The following ZNF236 variants were observed in gnomAD, a reference collection of about 807,000 sequenced individuals.
ZNF236 encodes the protein regulated by glucose.
Under a neutral mutation model 191.2 loss-of-function variants are expected in ZNF236, and 50 were observed. That is an observed-to-expected ratio of 0.26 (90% CI 0.21 to 0.33). ZNF236 has a LOEUF of 0.33. Ranked by LOEUF, ZNF236 falls within the 10% of genes least tolerant of loss-of-function variation. The pLI, the probability that ZNF236 is intolerant of heterozygous loss-of-function variation, is 1.00. For missense variants in ZNF236, 1,754 were observed against 2,374.5 expected, an observed-to-expected ratio of 0.74 and a Z score of 5.43; for synonymous variants, 907 against 928.8, an observed-to-expected ratio of 0.98 and a Z score of 0.43.
intron 14 of ZNF236, 60 bp from the exon 15 acceptor site, chr18:76,910,008 T>C: frequency 7.6e-7 from 1 of 1,312,144 alleles, no homozygotes; most frequent in South Asian, 1.2e-5. Context: ...TTGGACAGAT[T>C]TGCAGTTGTG....
At position 76,881,642 on chromosome 18, in the gene ZNF236, T is replaced by G. The variant is rs950684307; in HGVS notation, c.1417+130T>G. ...TTGAATGTTTTGTAGCTAGCTGTAG[T>G]TGGTTGGTATTTAAAATTAAAAAGA... On this transcript the variant is annotated intron_variant, in intron 9 of 30. Coordinates refer to ENST00000320610, the MANE Select transcript of ZNF236 (RefSeq NM_001306089.2). 29 of 788,448 alleles carry G rather than the reference T, an allele frequency of 3.7e-5. No homozygotes were observed. In the East Asian group the frequency reaches 7.8e-4, roughly 21 times the overall value. 48.8% of individuals were successfully genotyped at this position (788,448 alleles called of 1,614,324 possible). A position where few individuals can be genotyped will look rare whatever the true frequency, so the allele number is the denominator to read the frequency against.
chr18:76,953,873 C>A (rs532285759), intron 27 of ZNF236, among the ~76,000 whole-genome samples: 1 of 152,160 alleles, frequency 6.6e-6, no homozygotes, highest in South Asian at 2.1e-4. Flanking sequence ...ATGGAGAGGC[C>A]GCTTTCCTCC....
chr18:76,918,591 T>G (rs1407552762), intron 19 of ZNF236, among the ~76,000 whole-genome samples: 3 of 152,182 alleles, frequency 2.0e-5, no homozygotes, highest in Non-Finnish European at 4.4e-5. Flanking sequence ...CCTGGCTGAT[T>G]TAAAAAAATT....
chr18:76,834,867 T>A, intron 1 of ZNF236: 1 of 384,138 alleles, frequency 2.6e-6, no homozygotes, highest in South Asian at 2.2e-5. Context: ...TGGTCAGAAG[T>A]CACAAAGGGA....
At position 76,927,528 on chromosome 18, in the gene ZNF236, C is replaced by G. The variant is rs778971121; in HGVS notation, c.4414+11C>G. 6.3e-7 allele frequency: 1 copy of G among 1,599,666 alleles called. No individual in the cohort carries two copies. Among genetic ancestry groups the G allele is most frequent in the African/African-American group, 1.3e-5 (1 of 74,590 alleles). On this transcript the variant is annotated intron_variant, in intron 24 of 30. Transcript: ENST00000320610. The surrounding 1 kb of genome is among the most constrained non-coding windows in gnomAD (Gnocchi z 5.4). The stretch of plus-strand genomic sequence containing the variant: ...CCACTAACAGCAGTGGTAAGAGCCA[C>G]TCACTTTTGCTTATTTTGACAGCTG...
At chr18:76,849,325 A>G in intron 1 of ZNF236, 1 of 490,664 alleles carries the variant, frequency 2.0e-6, no homozygotes, top group Non-Finnish European at 3.6e-6. Flanking sequence ...GTTGTCCCAT[A>G]TCTTAGTCAT....
chr18:76,853,336 C>T (rs1481375347), intron 3 of ZNF236, among the ~76,000 whole-genome samples: 2 of 152,128 alleles, frequency 1.3e-5, no homozygotes, highest in African/African-American at 4.8e-5. Context: ...GCCATGGCCT[C>T]CCAAAATGCT....
At chr18:76,906,978 C>G (rs1055121512) in intron 13 of ZNF236, among the ~76,000 whole-genome samples, 1 of 152,052 alleles carries the variant, frequency 6.6e-6, no homozygotes, top group South Asian at 2.1e-4. Flanking sequence ...AACAAAGAAC[C>G]AAGGAAACAA....
Position 76,899,116 on chromosome 18 carries a change from A to G in ZNF236, c.1788A>G (p.Leu596=). 2 of 1,614,188 alleles carry G rather than the reference A, an allele frequency of 1.2e-6. No homozygotes were observed. Among genetic ancestry groups the G allele is most frequent in the Non-Finnish European group, 1.7e-6 (2 of 1,180,016 alleles). Residue 596 remains leucine (L), a synonymous_variant, in exon 11 of 31, where the codon TTA becomes TTG. Coordinates refer to ENST00000320610, the MANE Select transcript of ZNF236 (RefSeq NM_001306089.2). ...CTTCCCACTTTAAACATACGGAATT[A>G]AGGAAAATGAGGCACCAGCGTAAAC... ...HIASHFKHTE[L]RKMRHQRKPA... is the part of the protein sequence containing the mutation.
chr18:76,865,319 A>T (rs545009885), intron 3 of ZNF236, among the ~76,000 whole-genome samples: 1 of 152,322 alleles, frequency 6.6e-6, no homozygotes, highest in Non-Finnish European at 1.5e-5. Context: ...CCTGGGCCAC[A>T]AGAGTGAAAC....
At position 76,970,405 on chromosome 18, in the gene ZNF236, A is replaced by G. The variant is rs1372738730; in HGVS notation, c.*2066A>G. On this transcript the variant is annotated 3_prime_UTR_variant, in exon 31 of 31. Coordinates refer to ENST00000320610, the MANE Select transcript of ZNF236 (RefSeq NM_001306089.2). The stretch of plus-strand genomic sequence containing the variant: ...AAGAAAAAGAAAATATCAATAATTC[A>G]ATTTTGTGTCTTTTCTCAATTTATT... 1 of 152,656 alleles carries G rather than the reference A, an allele frequency of 6.6e-6. No individual in the cohort carries two copies. The highest frequency in any genetic ancestry group is 1.5e-5 in the Non-Finnish European group (1 of 68,038). The allele number at this position is 152,656 out of a possible 1,614,324, so 9.5% of individuals were successfully genotyped here.
chr18:76,971,457 G>T lies in ZNF236; in HGVS notation c.*3118G>T, dbSNP rs1405192275. ...TTCTGCTGGTGGGACATGAACATCA[G>T]TGCTTGTCTGGCACTTAACTAGGGG... On this transcript the variant is annotated 3_prime_UTR_variant, in exon 31 of 31. Transcript: ENST00000320610. Among the ~76,000 whole-genome samples the T allele has an allele frequency of 3.3e-5, 5 of 152,222 alleles. No homozygotes were observed. Among genetic ancestry groups the T allele is most frequent in the Non-Finnish European group, 7.3e-5 (5 of 68,038 alleles).
At chr18:76,894,321 C>T (rs1311953074) in intron 9 of ZNF236, among the ~76,000 whole-genome samples, 2 of 152,224 alleles carry the variant, frequency 1.3e-5, no homozygotes, top group Non-Finnish European at 2.9e-5. Context: ...CCCACGCACT[C>T]ACGCTGCTGC....
In ZNF236 at chr18:76,927,899, CT is replaced by C. The variant is rs764018013; in HGVS notation, c.4415-25del. ...GGAAATTGGTTATTTTGAATCTCAA[CT>C]TTGTTTTGCTTTGTAATGACAATCA... is the stretch of plus-strand genomic sequence containing the variant. On this transcript the variant is annotated intron_variant, in intron 24 of 30. Coordinates refer to ENST00000320610, the MANE Select transcript of ZNF236 (RefSeq NM_001306089.2). This position sits in a 1 kb window ranked among gnomAD's most constrained non-coding sequence, Gnocchi z 5.4. The C allele has an allele frequency of 6.6e-7, 1 of 1,504,550 alleles. No homozygotes were observed. The highest frequency in any genetic ancestry group is 8.9e-7 in the Non-Finnish European group (1 of 1,124,536). 93.2% of individuals were successfully genotyped at this position (1,504,550 alleles called of 1,614,324 possible). A position where few individuals can be genotyped will look rare whatever the true frequency, so the allele number is the denominator to read the frequency against.
At chr18:76,843,037 C>T (rs1599321631) in intron 1 of ZNF236, among the ~76,000 whole-genome samples, 1 of 152,290 alleles carries the variant, frequency 6.6e-6, no homozygotes, top group East Asian at 1.9e-4. Flanking sequence ...ATTTGGCTTT[C>T]TGAGGGACTC....
chr18:76,828,136 C>T (rs1397104566), intron 1 of ZNF236, among the ~76,000 whole-genome samples: 2 of 151,792 alleles, frequency 1.3e-5, no homozygotes, highest in East Asian at 1.9e-4. Context: ...GGGGAGGCAC[C>T]ACCAGTGTAA....
At chr18:76,854,402 C>T (rs1975981981) in intron 3 of ZNF236, among the ~76,000 whole-genome samples, 1 of 151,958 alleles carries the variant, frequency 6.6e-6, no homozygotes, top group Admixed American at 6.6e-5. Context: ...AATACCTGCT[C>T]CCTCTTTTCA....
intron 25 of ZNF236, among the ~76,000 whole-genome samples, chr18:76,928,500 G>A (rs1449031463): frequency 2.0e-5 from 3 of 152,134 alleles, no homozygotes; most frequent in Non-Finnish European, 4.4e-5. Context: ...TCTCTTTACC[G>A]TATGTCTTCA....
In ZNF236 at chr18:76,908,219, A is replaced by T. The variant is rs1316994807; in HGVS notation, c.2298-101A>T. 5 of 1,429,134 alleles carry T rather than the reference A, an allele frequency of 3.5e-6. No homozygotes were observed. The African/African-American group carries it at 7.1e-5, about 20-fold the overall frequency. 88.5% of individuals were successfully genotyped at this position (1,429,134 alleles called of 1,614,324 possible). A position where few individuals can be genotyped will look rare whatever the true frequency, so the allele number is the denominator to read the frequency against. On this transcript the variant is annotated intron_variant, in intron 13 of 30. Transcript: ENST00000320610. ...GACTTCAAAATGAAATCATTAATAA[A>T]AAATGTTATTTAATCAATGACAACT... is the stretch of plus-strand genomic sequence containing the variant.
Sources: allele counts gnomAD v4.1 joint callset (sites outside exome capture counted in the v4.1 genomes callset), GRCh38; gene constraint gnomAD v4.1.1; non-coding constraint Gnocchi (gnomAD v3.1); transcripts MANE v1.5; gene names NCBI Gene and HGNC (gene_info 2026-07-23, HGNC 2026-07-21).